Variants in ANKDD1A observed in about 807,000 individuals in gnomAD.
ANKDD1A encodes ankyrin repeat and death domain-containing protein 1A.
Under a neutral mutation model 63.5 loss-of-function variants are expected in ANKDD1A, and 59 were observed. That is an observed-to-expected ratio of 0.93 (90% CI 0.75 to 1.15). The LOEUF (loss-of-function observed/expected upper bound fraction) is 1.15, where lower values mean the gene tolerates loss of function less well. Ranked by LOEUF, ANKDD1A falls within the 50% of genes most tolerant of loss-of-function variation. The pLI is 0.00. For synonymous variants in ANKDD1A, 266 were observed against 263.9 expected (o/e 1.01, Z -0.08); for missense variants, 632 against 656.4 (o/e 0.96, Z 0.41).
chr15:64,951,851 T>C (rs1468343170), intron 14 of ANKDD1A, among the ~76,000 whole-genome samples: 2 of 27,918 alleles, frequency 7.2e-5, no homozygotes, highest in African/African-American at 9.5e-5. Flanking sequence ...TTTCTTCTTC[T>C]TTCTTCTTCC....
At chr15:64,916,090 CA>C (rs1483486388) in intron 2 of ANKDD1A, among the ~76,000 whole-genome samples, 190 bp downstream of exon 2, 1 of 152,172 alleles carries the variant, frequency 6.6e-6, no homozygotes, top group African/African-American at 2.4e-5. Context: ...GTTGGGCCCC[CA>C]CCCAAGGTCA....
chr15:64,950,914 G>A, intron 14 of ANKDD1A: 3 of 1,260,404 alleles, frequency 2.4e-6, no homozygotes, highest in Non-Finnish European at 3.1e-6. Flanking sequence ...GTGAGGCAGA[G>A]CTTAGGCAAC....
rs549882731 is a variant in ANKDD1A, at chr15:64,950,742, C to A, written c.1483+770C>A. 1.9e-4 allele frequency: 175 copies of A among 907,408 alleles called. 10 individuals carry two copies. The highest frequency in any genetic ancestry group is 5.7e-4 in the Middle Eastern group (1 of 1,752). The allele number at this position is 907,408 out of a possible 1,614,324, so 56.2% of individuals were successfully genotyped here. A position where few individuals can be genotyped will look rare whatever the true frequency, so the allele number is the denominator to read the frequency against. Reference sequence around the variant, plus strand: ...AAAGAAAGGACCGCCCCCCCCCCCCCCCCCCCCCATAGCTGCTATAGGCAA... The same window carrying A: ...AAAGAAAGGACCGCCCCCCCCCCCCACCCCCCCCATAGCTGCTATAGGCAA... On this transcript the variant is annotated intron_variant, in intron 14 of 14. Coordinates refer to ENST00000319580, the MANE Select transcript of ANKDD1A (RefSeq NM_182703.6).
intron 6 of ANKDD1A, among the ~76,000 whole-genome samples, chr15:64,928,570 G>A (rs2085064720): frequency 6.6e-6 from 1 of 152,210 alleles, no homozygotes; most frequent in Non-Finnish European, 1.5e-5. Flanking sequence ...CTGGGAGTGG[G>A]GCACGGTAAG....
intron 1 of ANKDD1A, 32 bp downstream of exon 1, chr15:64,911,996 G>GCCCCCCCCCCC: frequency 3.1e-6 from 1 of 320,730 alleles, no homozygotes. Context: ...AGGGGGGCGG[G>GCCCCCCCCCCC]CCGAGGCCGA....
chr15:64,949,728 T>C, intron 13 of ANKDD1A, 113 bp from the exon 14 acceptor site: 1 of 1,492,008 alleles, frequency 6.7e-7, no homozygotes, highest in South Asian at 1.3e-5. Flanking sequence ...TTTTGGCCTC[T>C]TTCCCACCTG....
chr15:64,912,430 A>T (rs1369073870), intron 1 of ANKDD1A, among the ~76,000 whole-genome samples: 1 of 152,170 alleles, frequency 6.6e-6, no homozygotes, highest in Non-Finnish European at 1.5e-5. Context: ...GGCCCAGCTC[A>T]CCCGGAATGC....
intron 14 of ANKDD1A, chr15:64,950,473 C>G (rs1242212114): frequency 1.0e-6 from 1 of 985,232 alleles, no homozygotes; most frequent in Non-Finnish European, 1.2e-6. Context: ...AATCATCAGA[C>G]AAGCAGGATA....
chr15:64,952,109 C>A (rs1159666414), intron 14 of ANKDD1A, among the ~76,000 whole-genome samples: 1 of 22,344 alleles, frequency 4.5e-5, no homozygotes, highest in African/African-American at 7.2e-5. Context: ...TCCTTCTTTT[C>A]TTCTTCTTTC....
At chr15:64,929,968 A>G (rs867619250) in intron 6 of ANKDD1A, among the ~76,000 whole-genome samples, 7 of 152,170 alleles carry the variant, frequency 4.6e-5, no homozygotes, top group Admixed American at 3.9e-4. Flanking sequence ...GCCAGGAACC[A>G]TCATCCTCAG....
chr15:64,951,819 CTCTTCT>C (rs200244008), intron 14 of ANKDD1A, among the ~76,000 whole-genome samples: 12 of 113,760 alleles, frequency 1.1e-4, no homozygotes, highest in African/African-American at 4.1e-4. Context: ...TTCTTTCTTC[CTCTTCT>C]TCATCCTTCT....
chr15:64,931,758 AC>A, intron 8 of ANKDD1A, 173 bp downstream of exon 8: 1 of 663,632 alleles, frequency 1.5e-6, no homozygotes. Context: ...GGAGCAAGTT[AC>A]TTAACCTCTC....
intron 4 of ANKDD1A, among the ~76,000 whole-genome samples, chr15:64,923,906 TA>T (rs1805348845): frequency 6.6e-6 from 1 of 152,200 alleles, no homozygotes; most frequent in African/African-American, 2.4e-5. Flanking sequence ...CTTGGGTGTA[TA>T]TGGAGGGTGA....
intron 12 of ANKDD1A, among the ~76,000 whole-genome samples, chr15:64,945,089 T>C (rs376963129): frequency 3.0e-4 from 46 of 152,192 alleles, no homozygotes; most frequent in African/African-American, 1.1e-3. Context: ...CTCCAGGTGA[T>C]TGAACTGCTG....
intron 1 of ANKDD1A, among the ~76,000 whole-genome samples, chr15:64,915,247 G>A (rs571122365): frequency 3.5e-4 from 54 of 152,336 alleles, no homozygotes; most frequent in African/African-American, 1.3e-3. Context: ...AGAGGTTGCA[G>A]TGAGACAAGA....
intron 2 of ANKDD1A, among the ~76,000 whole-genome samples, chr15:64,916,103 G>T (rs2084966626): frequency 6.6e-6 from 1 of 152,166 alleles, no homozygotes; most frequent in South Asian, 2.1e-4. Flanking sequence ...CCAAGGTCAG[G>T]ACCAGGATGT....
chr15:64,942,630 C>G, intron 10 of ANKDD1A, 65 bp downstream of exon 10: 1 of 1,325,542 alleles, frequency 7.5e-7, no homozygotes, highest in Non-Finnish European at 1.1e-6. Flanking sequence ...GGCTGGCAGG[C>G]TTGGCTGTGG....
At chr15:64,954,403 T>TCCTCTTCTTCCTC (rs1302077127) in intron 14 of ANKDD1A, among the ~76,000 whole-genome samples, 1 of 147,238 alleles carries the variant, frequency 6.8e-6, no homozygotes, top group Non-Finnish European at 1.5e-5. Context: ...TCTTCTTCCT[T>TCCTCTTCTTCCTC]CCTCTTCTTC....
rs1473802900 is a variant in ANKDD1A at position 64,915,877 on chromosome 15, G to A, written c.115G>A (p.Val39Ile). 1 of 1,613,808 alleles carries A rather than the reference G, an allele frequency of 6.2e-7. No individual in the cohort carries two copies. Among genetic ancestry groups the A allele is most frequent in the Non-Finnish European group, 8.5e-7 (1 of 1,179,910 alleles). The change falls in exon 2 of 15, where the codon GTT becomes ATT. Residue 39 changes from valine (V) to isoleucine (I), a missense_variant. By Grantham distance (29) the Val-to-Ile change is conservative (BLOSUM62 3). Transcript: ENST00000319580. ...GRMQELIGRR[V>I]NTRARNHVGR... ...GATGCAGGAGCTGATTGGGAGGAGGGTTAACACCAGGGCCAGAAACCACGT... is the reference window on the plus strand; with the variant it reads ...GATGCAGGAGCTGATTGGGAGGAGGATTAACACCAGGGCCAGAAACCACGT...
Sources: gnomAD v4.1 joint callset for allele counts (sites outside exome capture counted in the v4.1 genomes callset) on GRCh38, gnomAD v4.1.1 for gene constraint, MANE v1.5 for transcripts, NCBI Gene and HGNC (gene_info 2026-07-23, HGNC 2026-07-21) for gene names.